Variants in CBR4 observed in about 807,000 individuals in gnomAD.
The protein encoded by CBR4 is carbonyl reductase 4.
In CBR4, 22 loss-of-function variants were observed where a neutral mutation model predicts 21.0. That is an observed-to-expected ratio of 1.05 (90% CI 0.75 to 1.50). The LOEUF is 1.50. CBR4 is among the 40% of genes most tolerant of loss of function. CBR4 has a pLI of 0.00. For synonymous variants in CBR4, 100 were observed against 104.4 expected (o/e 0.96, Z 0.26); for missense variants, 302 against 286.3 (o/e 1.05, Z -0.40).
intron 4 of CBR4, among the ~76,000 whole-genome samples, chr4:168,995,835 C>T (rs985839389): frequency 3.9e-5 from 6 of 152,122 alleles, no homozygotes; most frequent in African/African-American, 1.4e-4. Context: ...AGATATGGAA[C>T]AGATAAAGGC....
intron 4 of CBR4, among the ~76,000 whole-genome samples, chr4:168,992,174 G>C (rs904021499): frequency 4.6e-5 from 7 of 152,148 alleles, no homozygotes; most frequent in African/African-American, 1.7e-4. Context: ...ACTTTCATTA[G>C]GAAAAAACTG....
intron 2 of CBR4, among the ~76,000 whole-genome samples, chr4:168,940,706 G>A (rs1426218332): frequency 3.3e-5 from 5 of 152,236 alleles, no homozygotes; most frequent in Non-Finnish European, 5.9e-5. Context: ...CTGGTCATTA[G>A]AGAAATGCAA....
At chr4:168,917,313 G>T (rs956952724) in intron 2 of CBR4, among the ~76,000 whole-genome samples, 2 of 152,164 alleles carry the variant, frequency 1.3e-5, no homozygotes, top group Admixed American at 6.5e-5. Context: ...CTTCCAAAGT[G>T]CTGGGATTAC....
At chr4:168,967,937 C>T (rs998720011) in intron 2 of CBR4, among the ~76,000 whole-genome samples, 110 of 152,260 alleles carry the variant, frequency 7.2e-4, no homozygotes, top group African/African-American at 2.5e-3. Context: ...CATGCCTCAA[C>T]TGTTGTGGTA....
intron 2 of CBR4, among the ~76,000 whole-genome samples, chr4:168,960,003 A>G (rs1020472277): frequency 6.6e-6 from 1 of 152,064 alleles, no homozygotes; most frequent in Non-Finnish European, 1.5e-5. Context: ...AAATTTGTCT[A>G]TTTAGATCTT....
intron 4 of CBR4, among the ~76,000 whole-genome samples, chr4:168,994,094 G>A (rs1265071898): frequency 1.3e-5 from 2 of 152,172 alleles, no homozygotes; most frequent in Admixed American, 1.3e-4. Context: ...AGAGCTGAGA[G>A]CCTCAAACAG....
At chr4:168,897,824 T>G (rs1755551301) in intron 2 of CBR4, among the ~76,000 whole-genome samples, 1 of 151,726 alleles carries the variant, frequency 6.6e-6, no homozygotes. Context: ...ATGGGTTGTT[T>G]TTTTTTTTTA....
intron 2 of CBR4, chr4:168,898,752 C>G (rs1424719948): frequency 7.2e-7 from 1 of 1,388,788 alleles, no homozygotes; most frequent in South Asian, 1.2e-5. Context: ...GAGTCATTCT[C>G]TGAGGAAAGG....
intron 2 of CBR4, among the ~76,000 whole-genome samples, chr4:168,960,823 G>A (rs1763828790): frequency 6.6e-6 from 1 of 152,184 alleles, no homozygotes; most frequent in Non-Finnish European, 1.5e-5. Context: ...TTACCAAAAT[G>A]AGCATGTTTC....
intron 4 of CBR4, among the ~76,000 whole-genome samples, chr4:168,995,747 T>C (rs1268573165): frequency 1.3e-5 from 2 of 152,166 alleles, no homozygotes; most frequent in Non-Finnish European, 2.9e-5. Flanking sequence ...CAAATAATGC[T>C]ACTGCATCTC....
At chr4:168,904,180 G>C (rs1757137013) in intron 2 of CBR4, 1 of 428,210 alleles carries the variant, frequency 2.3e-6, no homozygotes. Context: ...TGGGGTTGCA[G>C]TGGTAGACTG....
chr4:168,941,473 C>T lies in CBR4; in HGVS notation n.170-46708G>A, dbSNP rs150115242. Among the ~76,000 whole-genome samples, 4 of 152,124 alleles carry T rather than the reference C, an allele frequency of 2.6e-5. No homozygotes were observed. The East Asian group carries it at 5.8e-4, about 22-fold the overall frequency. On this transcript the variant is annotated intron_variant and non_coding_transcript_variant, in intron 2 of 3. Coordinates refer to the CBR4 transcript ENST00000509108. ...AACCATATGATCCTCTCAACAGATA[C>T]GGAAAAAGCATTTGGTAAAATTCAA...
intron 2 of CBR4, among the ~76,000 whole-genome samples, chr4:168,959,744 T>C (rs1048822272): frequency 7.2e-5 from 11 of 151,890 alleles, no homozygotes; most frequent in African/African-American, 2.4e-4. Context: ...TTTTGTACTT[T>C]TAGAGAGATG....
chr4:168,920,764 A>G (rs561263550), intron 2 of CBR4, among the ~76,000 whole-genome samples: 5 of 152,206 alleles, frequency 3.3e-5, no homozygotes, highest in Non-Finnish European at 4.4e-5. Context: ...AGTTTCAAGG[A>G]TTATAAAATA....
intron 2 of CBR4, chr4:168,928,335 AAG>A (rs886059218): frequency 1.1e-5 from 2 of 176,966 alleles, no homozygotes; most frequent in African/African-American, 5.2e-5. Flanking sequence ...ATAAAAAAAA[AAG>A]TACTATCAAT....
downstream of CBR4, among the ~76,000 whole-genome samples, chr4:168,985,424 T>C (rs1764659028): frequency 6.6e-6 from 1 of 152,046 alleles, no homozygotes; most frequent in Non-Finnish European, 1.5e-5. Context: ...AAAGAGAACG[T>C]TTATACACTG....
chr4:169,001,918 A>AC lies in CBR4; in HGVS notation c.535+152_535+153insG. The AC allele has an allele frequency of 5.9e-6, 4 of 675,486 alleles. No individual in the cohort carries two copies. In the South Asian group the frequency reaches 1.3e-4, roughly 22 times the overall value. The allele number at this position is 675,486 out of a possible 1,614,324, so 41.8% of individuals were successfully genotyped here. A position where few individuals can be genotyped will look rare whatever the true frequency, so the allele number is the denominator to read the frequency against. ...TTTATATAGAATATGAGGTACAAAA[A>AC]ATTTTTTTGAGTCCCCCAGTTCATT... On this transcript the variant is annotated intron_variant, in intron 4 of 4. Transcript: ENST00000306193.
intron 2 of CBR4, among the ~76,000 whole-genome samples, chr4:168,911,139 A>C (rs1758862407): frequency 6.6e-6 from 1 of 152,206 alleles, no homozygotes; most frequent in African/African-American, 2.4e-5. Context: ...TATATGTAGC[A>C]TCCCTATTTG....
chr4:168,983,175 T>G (rs547574335), downstream of CBR4, among the ~76,000 whole-genome samples: 1 of 152,092 alleles, frequency 6.6e-6, no homozygotes, highest in Non-Finnish European at 1.5e-5. Flanking sequence ...CTAGCTATAC[T>G]AATTTTTTTA....
Sources: gnomAD v4.1 joint callset for allele counts (sites outside exome capture counted in the v4.1 genomes callset) on GRCh38, gnomAD v4.1.1 for gene constraint, MANE v1.5 for transcripts, NCBI Gene and HGNC (gene_info 2026-07-23, HGNC 2026-07-21) for gene names.